RHOA: variants seen among roughly 807,000 people sequenced by gnomAD.
RHOA encodes transforming protein RhoA.
In RHOA, 3 loss-of-function variants were observed where a neutral mutation model predicts 17.5. The ratio of observed to expected loss-of-function variants is 0.17; its 90% CI spans 0.08 to 0.44. RHOA has a LOEUF of 0.44. RHOA is among the 20% of genes least tolerant of loss of function. RHOA has a pLI of 0.99. For missense variants in RHOA, 56 were observed against 242.3 expected (o/e 0.23, Z 5.10); for synonymous variants, 98 against 88.4 (o/e 1.11, Z -0.61).
At chr3:49,407,187 C>G (rs1270580849) in intron 1 of RHOA, among the ~76,000 whole-genome samples, 2 of 148,122 alleles carry the variant, frequency 1.4e-5, no homozygotes, top group African/African-American at 2.5e-5. Flanking sequence ...ATAAAATAGG[C>G]AGAAGTCACT....
At chr3:49,361,425 C>A (rs1278201709) in intron 4 of RHOA, among the ~76,000 whole-genome samples, 2 of 152,220 alleles carry the variant, frequency 1.3e-5, no homozygotes, top group Admixed American at 6.5e-5. Context: ...CAAGATGCCA[C>A]ATCCATCATC....
chr3:49,385,155 G>A (rs918436309), intron 1 of RHOA, among the ~76,000 whole-genome samples: 3 of 151,730 alleles, frequency 2.0e-5, no homozygotes, highest in Non-Finnish European at 2.9e-5. Flanking sequence ...TGATTCTCCC[G>A]TGTTGGCTCC....
At chr3:49,364,535 C>G (rs1216615217) in intron 3 of RHOA, among the ~76,000 whole-genome samples, 1 of 151,864 alleles carries the variant, frequency 6.6e-6, no homozygotes, top group African/African-American at 2.4e-5. Context: ...GTGGTGCACA[C>G]CTGTAATCCC....
chr3:49,405,942 C>T (rs1458480669), intron 1 of RHOA, among the ~76,000 whole-genome samples: 1 of 152,184 alleles, frequency 6.6e-6, no homozygotes, highest in African/African-American at 2.4e-5. Context: ...ACCTCGGCCT[C>T]CCAAAGTGCT....
chr3:49,367,342 C>CAAAAAAAAAA (rs62926260), intron 3 of RHOA, among the ~76,000 whole-genome samples: 3,341 of 80,196 alleles, frequency 0.042, 423 homozygotes, highest in Non-Finnish European at 0.056. Flanking sequence ...GACTCCCTCT[C>CAAAAAAAAAA]AAAAAAAAAA....
chr3:49,400,211 CAA>C (rs1396381544), intron 1 of RHOA, among the ~76,000 whole-genome samples: 7 of 23,848 alleles, frequency 2.9e-4, no homozygotes, highest in Non-Finnish European at 2.5e-4. Flanking sequence ...GACTCCATCT[CAA>C]AAAAAAAAAA....
chr3:49,368,323 G>C, intron 3 of RHOA, 105 bp downstream of exon 3: 1 of 1,396,664 alleles, frequency 7.2e-7, no homozygotes, highest in Non-Finnish European at 9.9e-7. Flanking sequence ...GACGATGATT[G>C]CTTCTCTGAA....
chr3:49,365,014 C>T (rs1044467541), intron 3 of RHOA: 1 of 152,066 alleles, frequency 6.6e-6, no homozygotes. Flanking sequence ...CAGCATACAA[C>T]CATGACCCAC....
intron 1 of RHOA, among the ~76,000 whole-genome samples, chr3:49,391,891 C>T (rs1047349161): frequency 4.1e-5 from 6 of 145,352 alleles, no homozygotes; most frequent in Non-Finnish European, 8.9e-5. Flanking sequence ...TGTAATGGCA[C>T]GATCTCAGCT....
At chr3:49,367,185 T>C (rs535506098) in intron 3 of RHOA, among the ~76,000 whole-genome samples, 5 of 151,226 alleles carry the variant, frequency 3.3e-5, no homozygotes, top group Admixed American at 6.6e-5. Flanking sequence ...TACTAAAAAA[T>C]ACAAAAAATT....
chr3:49,398,009 G>A (rs1019245798), intron 1 of RHOA, among the ~76,000 whole-genome samples: 1 of 152,160 alleles, frequency 6.6e-6, no homozygotes, highest in Non-Finnish European at 1.5e-5. Context: ...TTCAAAGAGA[G>A]ACAAGTCAGT....
At chr3:49,363,046 A>G (rs1164898022) in intron 3 of RHOA, among the ~76,000 whole-genome samples, 1 of 152,178 alleles carries the variant, frequency 6.6e-6, no homozygotes, top group Non-Finnish European at 1.5e-5. Flanking sequence ...CAGGGTCCAC[A>G]TGTTCTTTTT....
At chr3:49,408,155 T>A (rs1300945953) in intron 1 of RHOA, among the ~76,000 whole-genome samples, 1 of 102,376 alleles carries the variant, frequency 9.8e-6, no homozygotes, top group African/African-American at 3.8e-5. Flanking sequence ...TGAGACTCAG[T>A]CTCAAAAGAG....
chr3:49,375,666 G>C, intron 1 of RHOA, 75 bp from the exon 2 acceptor site: 1 of 1,477,038 alleles, frequency 6.8e-7, no homozygotes, highest in Non-Finnish European at 9.3e-7. Flanking sequence ...CACATGCTTT[G>C]GTAACCATGG....
chr3:49,404,433 A>AACACACACACACACACACAC (rs374020319), intron 1 of RHOA, among the ~76,000 whole-genome samples: 9,770 of 90,670 alleles, frequency 0.11, 946 homozygotes, highest in Middle Eastern at 0.12. Context: ...TCTCTAGTAA[A>AACACACACACACACACACAC]ACACACACAC....
chr3:49,380,447 C>T (rs2048297388), intron 1 of RHOA, among the ~76,000 whole-genome samples: 1 of 152,102 alleles, frequency 6.6e-6, no homozygotes, highest in African/African-American at 2.4e-5. Context: ...GTGATTCACG[C>T]CTGTAATCCC....
intron 1 of RHOA, among the ~76,000 whole-genome samples, chr3:49,380,474 G>A (rs1047887119): frequency 1.8e-4 from 27 of 152,130 alleles, no homozygotes; most frequent in African/African-American, 6.5e-4. Flanking sequence ...CTGGGAGGCC[G>A]AGGCGGGCAG....
intron 1 of RHOA, among the ~76,000 whole-genome samples, chr3:49,382,817 T>G (rs1193282779): frequency 6.6e-6 from 1 of 151,916 alleles, no homozygotes; most frequent in Non-Finnish European, 1.5e-5. Context: ...TCCCAGTACT[T>G]TGAGAGGTGG....
chr3:49,360,258 G>A lies in RHOA; in HGVS notation c.533C>T (p.Ala178Val). ...REVFEMATRAALQARRGKKKS... is the reference protein window; with the variant it reads ...REVFEMATRAVLQARRGKKKS... ...TTTCTTCCCACGTCTAGCTTGCAGA[G>A]CAGCTCTCGTAGCCATTTCAAAAAC... Residue 178 changes from alanine (A) to valine (V), a missense_variant, in exon 5 of 5, where the codon GCT (alanine) becomes GTT (valine). Transcript: ENST00000418115. 6.2e-7 allele frequency: 1 copy of A among 1,614,068 alleles called. No individual in the cohort carries two copies. Among genetic ancestry groups the A allele is most frequent in the Non-Finnish European group, 8.5e-7 (1 of 1,180,014 alleles).
Sources: gnomAD v4.1 joint callset for allele counts (sites outside exome capture counted in the v4.1 genomes callset) on GRCh38, gnomAD v4.1.1 for gene constraint, MANE v1.5 for transcripts, NCBI Gene and HGNC (gene_info 2026-07-23, HGNC 2026-07-21) for gene names.